The following STK10 variants were observed in gnomAD, a reference collection of about 807,000 sequenced individuals.
The protein encoded by STK10 is serine/threonine-protein kinase 10.
A neutral mutation model predicts 113.8 loss-of-function variants in STK10; 78 were observed. The observed-to-expected ratio is 0.69, with a 90% CI of 0.57 to 0.83. STK10 has a LOEUF of 0.83. Among genes scored for constraint, STK10 ranks in the 40% least tolerant of loss-of-function variants. The pLI, the probability that STK10 is intolerant of heterozygous loss-of-function variation, is 0.00. For synonymous variants in STK10, 465 were observed against 494.7 expected (o/e 0.94, Z 0.80); for missense variants, 1,109 against 1,280.1 (o/e 0.87, Z 2.04).
intron 12 of STK10, among the ~76,000 whole-genome samples, chr5:172,074,494 A>G (rs1768266594): frequency 6.6e-6 from 1 of 152,214 alleles, no homozygotes; most frequent in Admixed American, 6.5e-5. Flanking sequence ...ATCCATAGGC[A>G]ATAATTATTA....
chr5:172,166,904 GTAATCCCAGCACT>G (rs1770581566), intron 1 of STK10, among the ~76,000 whole-genome samples: 1 of 152,078 alleles, frequency 6.6e-6, no homozygotes, highest in Non-Finnish European at 1.5e-5. Context: ...GCTCGTGCCT[GTAATCCCAGCACT>G]TTGAGGGGCT....
chr5:172,136,982 C>A (rs182314448), intron 2 of STK10, among the ~76,000 whole-genome samples: 6 of 152,104 alleles, frequency 3.9e-5, no homozygotes, highest in Admixed American at 1.3e-4. Flanking sequence ...CCTAGCCCCC[C>A]ACCCCCGAAC....
At chr5:172,138,523 A>G (rs989660899) in intron 2 of STK10, among the ~76,000 whole-genome samples, 2 of 115,696 alleles carry the variant, frequency 1.7e-5, no homozygotes, top group Admixed American at 8.1e-5. Context: ...AGTTGCAGGT[A>G]TAAGATAAGC....
Position 172,044,817 on chromosome 5 carries a change from T to A in STK10, c.*65A>T. The A allele has an allele frequency of 6.2e-7, 1 of 1,612,272 alleles. No individual in the cohort carries two copies. The highest frequency in any genetic ancestry group is 8.5e-7 in the Non-Finnish European group (1 of 1,179,612). On this transcript the variant is annotated 3_prime_UTR_variant, in exon 19 of 19. Coordinates refer to ENST00000176763, the MANE Select transcript of STK10 (RefSeq NM_005990.4). The surrounding 1 kb of genome is among the most constrained non-coding windows in gnomAD (Gnocchi z 4.5). ...GGAAAAGGGGTCCTGAGTTACATGT[T>A]CACAGAGAATGAAGGAGAAGGCCCT...
In STK10 at chr5:172,107,812, C is replaced by T. The variant is rs1769149490; in HGVS notation, c.561G>A (p.Gln187=). 1.9e-6 allele frequency: 3 copies of T among 1,614,172 alleles called. No individual in the cohort carries two copies. Among genetic ancestry groups the T allele is most frequent in the Non-Finnish European group, 8.5e-7 (1 of 1,180,028 alleles). The change falls in exon 5 of 19, where the codon CAG becomes CAA. Residue 187 remains glutamine (Q), a synonymous_variant. Coordinates refer to ENST00000176763, the MANE Select transcript of STK10 (RefSeq NM_005990.4). ...GVSAKNLKTL[Q]KRDSFIGTPY... Reference sequence around the variant, plus strand: ...GCGTGCCGATGAAGGAATCTCGTTTCTGTAGAGTCTTCAGATTCTTGGCAG... The same window carrying T: ...GCGTGCCGATGAAGGAATCTCGTTTTTGTAGAGTCTTCAGATTCTTGGCAG...
chr5:172,078,271 A>C (rs78407861), intron 12 of STK10, among the ~76,000 whole-genome samples: 1 of 152,168 alleles, frequency 6.6e-6, no homozygotes, highest in Non-Finnish European at 1.5e-5. Flanking sequence ...ACATAAGTAA[A>C]CTGCAGAATC....
At chr5:172,112,415 AC>A (rs1227074778) in intron 4 of STK10, among the ~76,000 whole-genome samples, 9 of 115,096 alleles carry the variant, frequency 7.8e-5, no homozygotes, top group African/African-American at 2.5e-4. Context: ...AAGGGACCTT[AC>A]TTTTTTTTTT....
chr5:172,072,848 G>T (rs1174744254), intron 12 of STK10, among the ~76,000 whole-genome samples: 1 of 152,192 alleles, frequency 6.6e-6, no homozygotes, highest in Non-Finnish European at 1.5e-5. Context: ...TAGATATGAT[G>T]TCTATGTAGA....
intron 12 of STK10, among the ~76,000 whole-genome samples, chr5:172,079,062 A>T (rs1768374536): frequency 6.6e-6 from 1 of 152,124 alleles, no homozygotes; most frequent in South Asian, 2.1e-4. Context: ...TACTGGGTCT[A>T]ACCCTGAATG....
At position 172,093,679 on chromosome 5, in the gene STK10, T is replaced by C. The variant is rs755092284; in HGVS notation, c.1287A>G (p.Gln429=). 1 of 1,614,236 alleles carries C rather than the reference T, an allele frequency of 6.2e-7. No homozygotes were observed. Among genetic ancestry groups the C allele is most frequent in the South Asian group, 1.1e-5 (1 of 91,086 alleles). ...DARIQVAQEK[Q]VAEQGGDLSP... is the part of the protein sequence containing the mutation. ...TGAGGTCCCCACCCTGCTCAGCAACTTGCTTCTCCTGGGCTACCTGAATTC... is the reference window on the plus strand; with the variant it reads ...TGAGGTCCCCACCCTGCTCAGCAACCTGCTTCTCCTGGGCTACCTGAATTC... Residue 429 remains glutamine (Q), a synonymous_variant, in exon 9 of 19, where the codon CAA becomes CAG. Transcript: ENST00000176763. The surrounding 1 kb of genome is among the most constrained non-coding windows in gnomAD (Gnocchi z 4.1).
chr5:172,070,254 A>AT (rs1554116576), intron 12 of STK10, among the ~76,000 whole-genome samples: 1 of 146,936 alleles, frequency 6.8e-6, no homozygotes, highest in Non-Finnish European at 1.5e-5. Flanking sequence ...ACCTCAAAAA[A>AT]ATATATATCT....
At position 172,177,589 on chromosome 5, in the gene STK10, T is replaced by A. The variant is rs149738879; in HGVS notation, c.156+10298A>T. ...GGCTGGTGCAGATGGAGATGTGCCA[T>A]AAGTGCAACACCCACCAATTTCAAA... On this transcript the variant is annotated intron_variant, in intron 1 of 18. Transcript: ENST00000176763. Among the ~76,000 whole-genome samples, 1,320 of 152,314 alleles carry A rather than the reference T, an allele frequency of 8.7e-3. 12 individuals are homozygous for A. Among genetic ancestry groups the A allele is most frequent in the Non-Finnish European group, 0.013 (893 of 68,032 alleles).
intron 15 of STK10, chr5:172,057,017 G>GAAAGA (rs1561790329): frequency 6.7e-6 from 1 of 149,264 alleles, no homozygotes; most frequent in South Asian, 2.0e-4. Flanking sequence ...AAGAAAGAAA[G>GAAAGA]AAAGAAAGAA....
chr5:172,148,407 G>A (rs2113808146), intron 2 of STK10, among the ~76,000 whole-genome samples: 1 of 152,296 alleles, frequency 6.6e-6, no homozygotes, highest in South Asian at 2.1e-4. Flanking sequence ...GGGCTACATG[G>A]ACGTGCTTGG....
chr5:172,074,451 C>T (rs984125126), intron 12 of STK10, among the ~76,000 whole-genome samples: 3 of 152,100 alleles, frequency 2.0e-5, no homozygotes, highest in African/African-American at 7.2e-5. Flanking sequence ...AAAAGGATAG[C>T]CTTTTCAACA....
chr5:172,078,619 T>TAAAAA (rs58823824), intron 12 of STK10, among the ~76,000 whole-genome samples: 52 of 72,838 alleles, frequency 7.1e-4, no homozygotes, highest in African/African-American at 1.6e-3. Flanking sequence ...GCCTCATCAT[T>TAAAAA]AAAAAAAAAA....
intron 7 of STK10, 94 bp from the exon 8 acceptor site, chr5:172,096,654 C>T (rs1226947088): frequency 1.3e-6 from 2 of 1,535,738 alleles, no homozygotes; most frequent in Non-Finnish European, 1.8e-6. Context: ...CAGAAAAGGC[C>T]AGCCTCATTC....
At chr5:172,140,307 A>C (rs1769947823) in intron 2 of STK10, among the ~76,000 whole-genome samples, 1 of 152,226 alleles carries the variant, frequency 6.6e-6, no homozygotes, top group South Asian at 2.1e-4. Flanking sequence ...GTTGATGAGG[A>C]TGTGGAGAAA....
At chr5:172,119,130 A>C (rs1769449899) in intron 3 of STK10, among the ~76,000 whole-genome samples, 1 of 152,110 alleles carries the variant, frequency 6.6e-6, no homozygotes, top group Non-Finnish European at 1.5e-5. Context: ...CTCAGTGTCC[A>C]CCGAGAGATG....
Sources: allele counts gnomAD v4.1 joint callset (sites outside exome capture counted in the v4.1 genomes callset), GRCh38; gene constraint gnomAD v4.1.1; non-coding constraint Gnocchi (gnomAD v3.1); transcripts MANE v1.5; gene names NCBI Gene and HGNC (gene_info 2026-07-23, HGNC 2026-07-21).